The following OR9Q1 variants were observed in gnomAD, a reference collection of about 807,000 sequenced individuals.
The protein encoded by OR9Q1 is olfactory receptor family 9 subfamily Q member 1, also known as olfactory receptor 9Q1.
For synonymous variants in OR9Q1, 153 were observed against 148.6 expected (o/e 1.03, Z -0.22); for missense variants, 374 against 378.8 (o/e 0.99, Z 0.11).
chr11:58,126,894 T>C (rs61902770), intron 2 of OR9Q1, among the ~76,000 whole-genome samples: 1 of 152,130 alleles, frequency 6.6e-6, no homozygotes, highest in African/African-American at 2.4e-5. Flanking sequence ...CATTGGGGGA[T>C]CTAGAGTGCT....
chr11:58,140,636 A>G (rs540386224), intron 2 of OR9Q1, among the ~76,000 whole-genome samples: 3 of 152,148 alleles, frequency 2.0e-5, no homozygotes, highest in African/African-American at 4.8e-5. Context: ...GTTCTGTTCC[A>G]TTGGTCTATA....
chr11:58,055,058 G>T (rs1312508273), intron 1 of OR9Q1, among the ~76,000 whole-genome samples: 1 of 152,182 alleles, frequency 6.6e-6, no homozygotes, highest in African/African-American at 2.4e-5. Context: ...GGGAGGAACT[G>T]GTTCTAGAGT....
At chr11:58,064,306 C>T (rs1413877219) in intron 2 of OR9Q1, among the ~76,000 whole-genome samples, 2 of 152,196 alleles carry the variant, frequency 1.3e-5, no homozygotes, top group Non-Finnish European at 2.9e-5. Context: ...TACTCGTCTC[C>T]CGTTTTGTAG....
chr11:58,141,710 G>A (rs1854251548), intron 2 of OR9Q1, among the ~76,000 whole-genome samples: 1 of 152,110 alleles, frequency 6.6e-6, no homozygotes, highest in Non-Finnish European at 1.5e-5. Context: ...TGAGACTTGA[G>A]GTCAAGTAAC....
chr11:58,108,816 G>A (rs905376836), intron 2 of OR9Q1: 4 of 326,868 alleles, frequency 1.2e-5, no homozygotes, highest in African/African-American at 6.5e-5. Context: ...TCAACATAGG[G>A]ATGATTACAG....
intron 2 of OR9Q1, among the ~76,000 whole-genome samples, chr11:58,164,131 C>A (rs1040003655): frequency 5.3e-5 from 8 of 152,258 alleles, no homozygotes; most frequent in African/African-American, 1.7e-4. Context: ...GATATTCCCC[C>A]ACCTTGTCTC....
At chr11:58,080,221 T>G (rs1853575623) in intron 2 of OR9Q1, among the ~76,000 whole-genome samples, 1 of 152,176 alleles carries the variant, frequency 6.6e-6, no homozygotes, top group Admixed American at 6.5e-5. Context: ...TAGCTCCCAT[T>G]TATGCATGAG....
chr11:58,062,085 G>C (rs1381715269), intron 2 of OR9Q1, among the ~76,000 whole-genome samples: 3 of 152,176 alleles, frequency 2.0e-5, no homozygotes, highest in African/African-American at 7.2e-5. Context: ...GCCAAGACCA[G>C]ACACCACTTA....
At position 58,180,978 on chromosome 11, in the gene OR9Q1, A is replaced by G. The variant is rs1485721133; in HGVS notation, c.*601A>G. 1 of 167,026 alleles carries G rather than the reference A, an allele frequency of 6.0e-6. No individual in the cohort carries two copies. The highest frequency in any genetic ancestry group is 1.5e-5 in the Non-Finnish European group (1 of 68,122). The allele number at this position is 167,026 out of a possible 1,614,324, so 10.3% of individuals were successfully genotyped here. A position where few individuals can be genotyped will look rare whatever the true frequency, so the allele number is the denominator to read the frequency against. On this transcript the variant is annotated 3_prime_UTR_variant, in exon 3 of 3. Coordinates refer to ENST00000335397, the MANE Select transcript of OR9Q1 (RefSeq NM_001005212.4). ...TAGATTACATTTATTTTTAATGATCAAACTATGGTCGTTTGATGATCCAAT... is the reference window on the plus strand; with the variant it reads ...TAGATTACATTTATTTTTAATGATCGAACTATGGTCGTTTGATGATCCAAT...
At chr11:58,163,541 G>A (rs1055523881) in intron 2 of OR9Q1, among the ~76,000 whole-genome samples, 5 of 152,212 alleles carry the variant, frequency 3.3e-5, no homozygotes, top group Non-Finnish European at 4.4e-5. Context: ...AGCTGGTAAA[G>A]GTCATGCCAA....
chr11:58,164,358 G>C (rs914307492), intron 2 of OR9Q1, among the ~76,000 whole-genome samples: 3 of 152,146 alleles, frequency 2.0e-5, no homozygotes, highest in Admixed American at 2.0e-4. Context: ...AGCTAGTCAA[G>C]GATGGTGGTG....
chr11:58,161,549 G>GTTT (rs567452505), intron 2 of OR9Q1, among the ~76,000 whole-genome samples: 18,499 of 145,890 alleles, frequency 0.13, 1,551 homozygotes, highest in Non-Finnish European at 0.2. Flanking sequence ...GGCTTATTCT[G>GTTT]TTTTTTTTTT....
At chr11:58,159,242 A>C (rs1054297929) in intron 2 of OR9Q1, among the ~76,000 whole-genome samples, 3 of 152,192 alleles carry the variant, frequency 2.0e-5, no homozygotes, top group African/African-American at 7.2e-5. Context: ...TTGGTGAACT[A>C]CCATCACCTG....
At chr11:58,047,909 C>T (rs1853235018) in intron 1 of OR9Q1, among the ~76,000 whole-genome samples, 1 of 152,216 alleles carries the variant, frequency 6.6e-6, no homozygotes. Flanking sequence ...CTCCACATCA[C>T]TGGACAGTTC....
chr11:58,035,068 G>T (rs1464684464), intron 1 of OR9Q1, among the ~76,000 whole-genome samples: 1 of 151,846 alleles, frequency 6.6e-6, no homozygotes, highest in African/African-American at 2.4e-5. Flanking sequence ...GGGCTCAAGC[G>T]ATCTGCCACC....
chr11:58,169,406 C>G (rs185724075), intron 2 of OR9Q1, among the ~76,000 whole-genome samples: 3 of 152,014 alleles, frequency 2.0e-5, no homozygotes, highest in Admixed American at 6.6e-5. Context: ...TCTCTTAGAA[C>G]TTTTATTGAG....
chr11:58,179,475 G>A lies in OR9Q1; in HGVS notation c.31G>A (p.Glu11Lys), dbSNP rs762002690. 9 of 1,579,326 alleles carry A rather than the reference G, an allele frequency of 5.7e-6. No individual in the cohort carries two copies. Among genetic ancestry groups the A allele is most frequent in the East Asian group, 4.5e-5 (2 of 44,616 alleles). MAEMNLTLVTEFLLIAFTEYP... is the reference protein window; with the variant it reads MAEMNLTLVTKFLLIAFTEYP... The stretch of plus-strand genomic sequence containing the variant: ...AGAGATGAACCTCACCTTGGTGACC[G>A]AGTTCCTCCTTATTGCATTCACTGA... The change falls in exon 3 of 3, where the codon GAG becomes AAG. Residue 11 changes from glutamate (E) to lysine (K), a missense_variant. By Grantham distance (56) the Glu-to-Lys change is moderately conservative. Coordinates refer to ENST00000335397, the MANE Select transcript of OR9Q1 (RefSeq NM_001005212.4).
intron 2 of OR9Q1, among the ~76,000 whole-genome samples, chr11:58,168,402 T>C (rs1854524931): frequency 6.6e-6 from 1 of 152,200 alleles, no homozygotes; most frequent in Non-Finnish European, 1.5e-5. Flanking sequence ...ACTGTTCTTA[T>C]ATTCAAATTG....
intron 2 of OR9Q1, among the ~76,000 whole-genome samples, chr11:58,067,304 G>C (rs1393447618): frequency 6.6e-6 from 1 of 152,048 alleles, no homozygotes; most frequent in Non-Finnish European, 1.5e-5. Context: ...CCAAAGTGTT[G>C]GGATTATAGG....
Sources: allele counts gnomAD v4.1 joint callset (sites outside exome capture counted in the v4.1 genomes callset), GRCh38; gene constraint gnomAD v4.1.1; transcripts MANE v1.5; gene names NCBI Gene and HGNC (gene_info 2026-07-23, HGNC 2026-07-21).